The following IMPG1 variants were observed in gnomAD, a reference collection of about 807,000 sequenced individuals.
IMPG1 encodes interphotoreceptor matrix proteoglycan 1.
Under a neutral mutation model 92.0 loss-of-function variants are expected in IMPG1, and 85 were observed. The observed-to-expected ratio is 0.92, with a 90% CI of 0.78 to 1.11. The LOEUF (loss-of-function observed/expected upper bound fraction) is 1.11. Ranked by LOEUF, IMPG1 falls within the 50% of genes least tolerant of loss-of-function variation. IMPG1 has a pLI of 0.00. For synonymous variants in IMPG1, 367 were observed against 334.1 expected (o/e 1.10, Z -1.08); for missense variants, 1,022 against 956.0 (o/e 1.07, Z -0.91).
At chr6:76,013,377 A>G (rs937131647) in intron 7 of IMPG1, among the ~76,000 whole-genome samples, 2 of 151,566 alleles carry the variant, frequency 1.3e-5, no homozygotes, top group African/African-American at 2.4e-5. Context: ...TACAATATAC[A>G]CTTCTATGTC....
intron 1 of IMPG1, among the ~76,000 whole-genome samples, chr6:76,067,477 G>A (rs559631157): frequency 2.0e-5 from 3 of 152,072 alleles, no homozygotes; most frequent in Admixed American, 6.5e-5. Flanking sequence ...ACTTCTCAAG[G>A]TTGAACCAGG....
intron 1 of IMPG1, among the ~76,000 whole-genome samples, chr6:76,045,754 A>G (rs888211823): frequency 3.9e-5 from 6 of 152,206 alleles, no homozygotes; most frequent in African/African-American, 1.4e-4. Context: ...CAATTAGACC[A>G]GATCAGATGC....
chr6:75,924,749 A>T (rs377001640), intron 15 of IMPG1, among the ~76,000 whole-genome samples: 2 of 32,316 alleles, frequency 6.2e-5, no homozygotes, highest in African/African-American at 1.1e-4. Flanking sequence ...TATAATATAT[A>T]ATATATCATA....
chr6:75,970,136 A>T (rs1782380707), intron 12 of IMPG1, among the ~76,000 whole-genome samples: 1 of 152,190 alleles, frequency 6.6e-6, no homozygotes, highest in Non-Finnish European at 1.5e-5. Context: ...ATTTTAAAAA[A>T]ATTCTCCATT....
chr6:76,010,920 T>C (rs1582102455), intron 8 of IMPG1, among the ~76,000 whole-genome samples: 2 of 152,300 alleles, frequency 1.3e-5, no homozygotes, highest in East Asian at 3.9e-4. Flanking sequence ...GAGCTCTCTA[T>C]AGAGAGCACT....
At chr6:75,930,619 C>G (rs1255136744) in intron 15 of IMPG1, among the ~76,000 whole-genome samples, 1 of 152,070 alleles carries the variant, frequency 6.6e-6, no homozygotes, top group Non-Finnish European at 1.5e-5. Context: ...ACCAAGTATT[C>G]AGTCTTTTAA....
At chr6:75,988,878 C>T (rs191262131) in intron 12 of IMPG1, among the ~76,000 whole-genome samples, 13 of 152,276 alleles carry the variant, frequency 8.5e-5, no homozygotes, top group African/African-American at 3.1e-4. Flanking sequence ...GGATGTCTTG[C>T]TCAGTACCCC....
At position 75,931,069 on chromosome 6, in the gene IMPG1, C is replaced by G; in HGVS notation, c.2127G>C (p.Glu709Asp). The G allele has an allele frequency of 6.2e-7, 1 of 1,614,196 alleles. No homozygotes were observed. Among genetic ancestry groups the G allele is most frequent in the South Asian group, 1.1e-5 (1 of 91,088 alleles). The change falls in exon 15 of 17, where the codon GAG becomes GAC. Residue 709 changes from glutamate to aspartate, a missense_variant. This residue lies in a region of IMPG1 where 332 missense variants were observed against 346.2 expected (regional missense o/e 0.96). Transcript: ENST00000369950. ...TGTCATATCCTGGTTTGCAGCGACA[C>G]TCCGCTTCCTCAGTCCGTTCGTTCT... ...CVKNERTEEA[E>D]CRCKPGYDSQ...
chr6:76,053,450 T>C (rs1582132539), intron 1 of IMPG1, among the ~76,000 whole-genome samples: 2 of 152,202 alleles, frequency 1.3e-5, no homozygotes, highest in East Asian at 3.9e-4. Flanking sequence ...ACTAAGAGCT[T>C]ATAAAACAAA....
chr6:76,038,523 G>A, intron 2 of IMPG1, among the ~76,000 whole-genome samples: 1 of 152,142 alleles, frequency 6.6e-6, no homozygotes, highest in Non-Finnish European at 1.5e-5. Context: ...CACCAGGATA[G>A]TCCCCCATCC....
chr6:76,043,402 C>T (rs1783877800), intron 1 of IMPG1, among the ~76,000 whole-genome samples: 1 of 152,128 alleles, frequency 6.6e-6, no homozygotes, highest in South Asian at 2.1e-4. Flanking sequence ...GCATAAAAGT[C>T]CCTCAATATT....
intron 1 of IMPG1, among the ~76,000 whole-genome samples, chr6:76,050,715 C>A (rs1784025810): frequency 6.6e-6 from 1 of 152,178 alleles, no homozygotes; most frequent in Non-Finnish European, 1.5e-5. Context: ...ACAAGTCATT[C>A]TCTTTCTTGG....
At chr6:75,998,209 C>A (rs995886958) in intron 12 of IMPG1, among the ~76,000 whole-genome samples, 7 of 152,126 alleles carry the variant, frequency 4.6e-5, no homozygotes, top group African/African-American at 1.7e-4. Flanking sequence ...TAGATTATTC[C>A]AATAAAGTCT....
chr6:76,063,543 T>C (rs893647746), intron 1 of IMPG1, among the ~76,000 whole-genome samples: 3 of 152,180 alleles, frequency 2.0e-5, no homozygotes, highest in Non-Finnish European at 4.4e-5. Flanking sequence ...GTGGCAGTGA[T>C]TTGGTGACTT....
rs527826296 is a variant in IMPG1, at chr6:76,021,320, T to C, written c.666+796A>G. Reference sequence around the variant, plus strand: ...GTACTTCTGAAATGTATTTAATTGATGTCTCATGCCTCCCTAAAACGTATG... The same window carrying C: ...GTACTTCTGAAATGTATTTAATTGACGTCTCATGCCTCCCTAAAACGTATG... On this transcript the variant is annotated intron_variant, in intron 6 of 16. Transcript: ENST00000369950. 8.5e-5 allele frequency among the ~76,000 whole-genome samples: 13 copies of C among 152,326 alleles called. No individual in the cohort carries two copies. The East Asian group carries it at 2.5e-3, about 29-fold the overall frequency.
chr6:75,955,635 T>C (rs903737097), intron 12 of IMPG1, among the ~76,000 whole-genome samples: 1 of 152,204 alleles, frequency 6.6e-6, no homozygotes, highest in Admixed American at 6.5e-5. Flanking sequence ...TCCAACACTA[T>C]GTTGAATAGG....
At chr6:75,978,401 T>C (rs1297462269) in intron 12 of IMPG1, among the ~76,000 whole-genome samples, 1 of 152,212 alleles carries the variant, frequency 6.6e-6, no homozygotes, top group African/African-American at 2.4e-5. Flanking sequence ...ATTTTGCTAT[T>C]GTTTTCTTTT....
At chr6:76,049,640 A>G (rs1368553798) in intron 1 of IMPG1, among the ~76,000 whole-genome samples, 2 of 152,214 alleles carry the variant, frequency 1.3e-5, no homozygotes, top group Non-Finnish European at 2.9e-5. Flanking sequence ...CGCTTCTGTG[A>G]ATTTGGATAT....
At chr6:75,999,293 A>G (rs1282967742) in intron 12 of IMPG1, among the ~76,000 whole-genome samples, 2 of 150,374 alleles carry the variant, frequency 1.3e-5, no homozygotes, top group East Asian at 3.8e-4. Flanking sequence ...CTAGATGCAT[A>G]TTTTGCAAGA....
Sources: allele counts gnomAD v4.1 joint callset (sites outside exome capture counted in the v4.1 genomes callset), GRCh38; gene constraint gnomAD v4.1.1; regional missense constraint gnomAD v4.1.1; transcripts MANE v1.5; gene names NCBI Gene and HGNC (gene_info 2026-07-23, HGNC 2026-07-21).